Variants in NDEL1 observed in about 807,000 individuals in gnomAD.
NDEL1 encodes the protein nuclear distribution protein nudE-like 1.
In NDEL1, 9 loss-of-function variants were observed where a neutral mutation model predicts 45.7. The observed-to-expected ratio is 0.20, with a 90% CI of 0.12 to 0.34. The LOEUF (loss-of-function observed/expected upper bound fraction) is 0.34. Among genes scored for constraint, NDEL1 ranks in the 10% least tolerant of loss-of-function variants. The pLI is 1.00. For synonymous variants in NDEL1, 133 were observed against 158.6 expected, an observed-to-expected ratio of 0.84 and a Z score of 1.21; for missense variants, 306 against 406.2, an observed-to-expected ratio of 0.75 and a Z score of 2.12.
intron 1 of NDEL1, among the ~76,000 whole-genome samples, chr17:8,442,882 C>T (rs974156598): frequency 8.6e-5 from 13 of 151,200 alleles, no homozygotes; most frequent in African/African-American, 2.4e-4. Context: ...CTCCGCCTCC[C>T]GGGTTCACAC....
Position 8,454,835 on chromosome 17 carries a change from C to T in NDEL1, c.740C>T (p.Ser247Phe), listed in dbSNP as rs1910730198. ...TTTGGTACCAGTCCACTAACTCCCT[C>T]TGCTAGGATATCAGCACTAAACATC... ...NGFGTSPLTP[S>F]ARISALNIVG... The change falls in exon 7 of 9, where the codon TCT (serine) becomes TTT (phenylalanine). Residue 247 changes from serine to phenylalanine, a missense_variant. This residue lies in a region of NDEL1 where 175 missense variants were observed against 205.2 expected (regional missense o/e 0.85). Transcript: ENST00000334527. 1 of 1,614,082 alleles carries T rather than the reference C, an allele frequency of 6.2e-7. No homozygotes were observed. Among genetic ancestry groups the T allele is most frequent in the African/African-American group, 1.3e-5 (1 of 75,050 alleles).
At chr17:8,421,598 G>T (rs758891881) in intron 1 of NDEL1, among the ~76,000 whole-genome samples, 1 of 152,138 alleles carries the variant, frequency 6.6e-6, no homozygotes, top group Non-Finnish European at 1.5e-5. Flanking sequence ...TTAAGTATCG[G>T]TTTAGACACT....
Position 8,419,284 on chromosome 17 carries a change from T to C in NDEL1, c.-13+6015T>C, listed in dbSNP as rs746245763. Among the ~76,000 whole-genome samples, 3 of 152,138 alleles carry C rather than the reference T, an allele frequency of 2.0e-5. No individual in the cohort carries two copies. In the South Asian group the frequency reaches 6.2e-4, roughly 32 times the overall value. On this transcript the variant is annotated intron_variant, in intron 1 of 4. Transcript: ENST00000582812. ...AGTAACGTGTATTTGCTATAGAAAA[T>C]TTGGAAAATACTGATAAACACAAAA...
chr17:8,432,359 A>AT (rs1567722422), upstream of NDEL1, among the ~76,000 whole-genome samples: 4 of 59,802 alleles, frequency 6.7e-5, no homozygotes, highest in Non-Finnish European at 1.4e-4. Context: ...TATAAATATA[A>AT]ATATATATAT....
rs1167556010 is a variant in NDEL1 at position 8,467,067 on chromosome 17, C to T, written c.*44C>T. 1.9e-6 allele frequency: 3 copies of T among 1,590,154 alleles called. No homozygotes were observed. The highest frequency in any genetic ancestry group is 2.6e-6 in the Non-Finnish European group (3 of 1,159,724). On this transcript the variant is annotated 3_prime_UTR_variant, in exon 9 of 9. Coordinates refer to ENST00000334527, the MANE Select transcript of NDEL1 (RefSeq NM_030808.5). This position sits in a 1 kb window ranked among gnomAD's most constrained non-coding sequence, Gnocchi z 6.3. ...GGGGCTCCTGCCCTCCTCCAACAAC[C>T]CAGGACACCCACGCCTCACCCCTCG...
intron 1 of NDEL1, among the ~76,000 whole-genome samples, chr17:8,414,024 T>C (rs1908485619): frequency 6.6e-6 from 1 of 152,166 alleles, no homozygotes; most frequent in Admixed American, 6.6e-5. Flanking sequence ...AAATGAATAT[T>C]TTTATGTCAA....
chr17:8,422,799 C>T (rs1243974976), intron 1 of NDEL1, among the ~76,000 whole-genome samples: 2 of 151,328 alleles, frequency 1.3e-5, no homozygotes, highest in Admixed American at 6.6e-5. Context: ...TGCAATGGTG[C>T]GATCTCGGCT....
intron 1 of NDEL1, among the ~76,000 whole-genome samples, chr17:8,425,215 A>C (rs1908802085): frequency 6.6e-6 from 1 of 152,242 alleles, no homozygotes. Flanking sequence ...AGCCACCTGC[A>C]TTTAAAAATT....
chr17:8,464,740 C>G (rs1397046111), intron 8 of NDEL1: 1 of 152,380 alleles, frequency 6.6e-6, no homozygotes, highest in Non-Finnish European at 1.5e-5. Flanking sequence ...CAGGAGGAGA[C>G]TAGAAAAGGG....
rs1387334397 is a variant in NDEL1, at chr17:8,448,777, C to T, written c.526+91C>T. 10 of 1,259,150 alleles carry T rather than the reference C, an allele frequency of 7.9e-6. No individual in the cohort carries two copies. The East Asian group carries it at 2.3e-4, about 29-fold the overall frequency. 78.0% of individuals were successfully genotyped at this position (1,259,150 alleles called of 1,614,324 possible). On this transcript the variant is annotated intron_variant, in intron 5 of 8. Transcript: ENST00000334527. ...CACTTATACTCTGATTTTTTTTCAA[C>T]CAAATGTGGATTGAAAATACAGTAT...
intron 8 of NDEL1, among the ~76,000 whole-genome samples, chr17:8,460,659 A>T (rs926028158): frequency 6.6e-6 from 1 of 152,198 alleles, no homozygotes; most frequent in African/African-American, 2.4e-5. Flanking sequence ...ATTGAAATAA[A>T]ATTGTTTTAA....
intron 3 of NDEL1, among the ~76,000 whole-genome samples, chr17:8,473,190 CTTTTTT>C (rs528658794): frequency 6.8e-6 from 1 of 146,736 alleles, no homozygotes; most frequent in Non-Finnish European, 1.5e-5. Context: ...GGGAAGAATT[CTTTTTT>C]TTTTTGAGAC....
rs1911668651 is a variant in NDEL1, at chr17:8,467,363, T to C, written c.*340T>C. 2.1e-6 allele frequency: 1 copy of C among 471,722 alleles called. No individual in the cohort carries two copies. Among genetic ancestry groups the C allele is most frequent in the Non-Finnish European group, 3.7e-6 (1 of 269,962 alleles). 29.2% of individuals were successfully genotyped at this position (471,722 alleles called of 1,614,324 possible). A position where few individuals can be genotyped will look rare whatever the true frequency, so the allele number is the denominator to read the frequency against. ...CCCCATAGCCCCCACTCTGCTGTAC[T>C]GATAGGATTTAGTTGTGTTTTAGGA... is the stretch of plus-strand genomic sequence containing the variant. On this transcript the variant is annotated 3_prime_UTR_variant, in exon 9 of 9. Coordinates refer to ENST00000334527, the MANE Select transcript of NDEL1 (RefSeq NM_030808.5). The surrounding 1 kb of genome is among the most constrained non-coding windows in gnomAD (Gnocchi z 6.3).
At chr17:8,431,034 C>A (rs779233464), upstream of NDEL1, among the ~76,000 whole-genome samples, 35 of 152,200 alleles carry the variant, frequency 2.3e-4, no homozygotes, top group Non-Finnish European at 4.9e-4. Flanking sequence ...TGACAAACAC[C>A]AGTTTTGGGT....
chr17:8,445,725 G>A lies in NDEL1; in HGVS notation c.101G>A (p.Arg34Gln), dbSNP rs765053880. 1.2e-5 allele frequency: 19 copies of A among 1,591,946 alleles called. No individual in the cohort carries two copies. Among genetic ancestry groups the A allele is most frequent in the African/African-American group, 2.7e-5 (2 of 73,232 alleles). The stretch of plus-strand genomic sequence containing the variant: ...TTTCTGATTAGCTTCCAGGAAGCTC[G>A]GGATGAGCTAGTTGAATTCCAGGAA... Reference protein sequence around the residue: ...LKYKQSFQEARDELVEFQEGS... With the variant: ...LKYKQSFQEAQDELVEFQEGS... Residue 34 changes from arginine to glutamine, a missense_variant, in exon 3 of 9, where the codon CGG becomes CAG. Around this residue, in one of 3 missense-constraint regions of NDEL1, gnomAD observed 112 missense variants for 148.3 expected, o/e 0.76. Coordinates refer to ENST00000334527, the MANE Select transcript of NDEL1 (RefSeq NM_030808.5).
chr17:8,439,343 C>T (rs1202824707), intron 1 of NDEL1, among the ~76,000 whole-genome samples: 1 of 151,526 alleles, frequency 6.6e-6, no homozygotes, highest in East Asian at 1.9e-4. Flanking sequence ...CGGGTTTGAG[C>T]GATTCTCCTG....
chr17:8,435,661 G>A (rs930052573), upstream of NDEL1, among the ~76,000 whole-genome samples: 3 of 152,388 alleles, frequency 2.0e-5, no homozygotes, highest in Admixed American at 1.3e-4. Flanking sequence ...GCAGTTTCAG[G>A]GAACTGCACA....
Position 8,454,874 on chromosome 17 carries a change from T to TA in NDEL1, c.780dup (p.Arg261ThrfsTer32). Reference sequence around the variant, plus strand: ...GCACTAAACATCGTGGGGGATCTCTTACGGAAAGTAGGGGTAAGTTTCAAT... The same window carrying TA: ...GCACTAAACATCGTGGGGGATCTCTTAACGGAAAGTAGGGGTAAGTTTCAAT... On this transcript the variant is annotated frameshift_variant, in exon 7 of 9. Transcript: ENST00000334527. LOFTEE classifies it high-confidence loss of function. 1 of 1,613,280 alleles carries TA rather than the reference T, an allele frequency of 6.2e-7. No individual in the cohort carries two copies. Among genetic ancestry groups the TA allele is most frequent in the Non-Finnish European group, 8.5e-7 (1 of 1,179,522 alleles).
intron 6 of NDEL1, 51 bp downstream of exon 6, chr17:8,451,004 G>T (rs763441222): frequency 1.3e-6 from 2 of 1,528,808 alleles, no homozygotes; most frequent in Non-Finnish European, 8.8e-7. Context: ...ATCAGCTTAC[G>T]GGGGTTTGTT....
Sources: allele counts gnomAD v4.1 joint callset (sites outside exome capture counted in the v4.1 genomes callset), GRCh38; gene constraint gnomAD v4.1.1; regional missense constraint gnomAD v4.1.1; non-coding constraint Gnocchi (gnomAD v3.1); transcripts MANE v1.5; gene names NCBI Gene and HGNC (gene_info 2026-07-23, HGNC 2026-07-21).